PLAA: variants seen among roughly 807,000 people sequenced by gnomAD.
PLAA encodes the protein phospholipase A-2-activating protein.
A neutral mutation model predicts 84.1 loss-of-function variants in PLAA; 48 were observed. The ratio of observed to expected loss-of-function variants is 0.57; its 90% CI spans 0.45 to 0.73. The LOEUF is 0.73. Ranked by LOEUF, PLAA falls within the 30% of genes least tolerant of loss-of-function variation. The probability of loss-of-function intolerance (pLI) is 0.00; values close to 1 mark genes in which losing one functional copy is unlikely to be tolerated. For synonymous variants in PLAA, 392 were observed against 336.6 expected (o/e 1.16, Z -1.80); for missense variants, 903 against 954.7 (o/e 0.95, Z 0.71).
chr9:26,930,992 T>G (rs1019454605), intron 2 of PLAA, among the ~76,000 whole-genome samples: 2 of 151,790 alleles, frequency 1.3e-5, no homozygotes, highest in African/African-American at 4.8e-5. Context: ...AAAACAGGAC[T>G]TCTTGGCAAA....
At position 26,923,292 on chromosome 9, in the gene PLAA, C is replaced by T; in HGVS notation, c.925G>A (p.Glu309Lys). The T allele has an allele frequency of 3.1e-6, 5 of 1,613,812 alleles. No individual in the cohort carries two copies. Among genetic ancestry groups the T allele is most frequent in the Non-Finnish European group, 3.4e-6 (4 of 1,179,798 alleles). ...AGTTCTTTTTCAAAAGCCTTGATTTCTTCAGCACTTGCTGTTCGATCTTCT... is the reference window on the plus strand; with the variant it reads ...AGTTCTTTTTCAAAAGCCTTGATTTTTTCAGCACTTGCTGTTCGATCTTCT... ...ESEDRTASAE[E>K]IKAFEKELSH... Residue 309 changes from glutamate (E) to lysine (K), a missense_variant, in exon 7 of 14, where the codon GAA becomes AAA. Coordinates refer to ENST00000397292, the MANE Select transcript of PLAA (RefSeq NM_001031689.3).
At chr9:26,937,685 A>G (rs1825405166) in intron 1 of PLAA, among the ~76,000 whole-genome samples, 1 of 152,202 alleles carries the variant, frequency 6.6e-6, no homozygotes, top group Admixed American at 6.5e-5. Flanking sequence ...AAACTGAAGT[A>G]TCAGTAAAGA....
rs1457925424 is a variant in PLAA at position 26,903,508 on chromosome 9, A to G, written c.*2003T>C. Among the ~76,000 whole-genome samples the G allele has an allele frequency of 2.6e-5, 4 of 152,340 alleles. No homozygotes were observed. Among genetic ancestry groups the G allele is most frequent in the Middle Eastern group, 6.8e-3 (2 of 294 alleles). ...CATTTACATACATAGTCACTATGCC[A>G]CAAGATGTTAAGAATAGTTTTCTCT... On this transcript the variant is annotated 3_prime_UTR_variant, in exon 14 of 14. Coordinates refer to ENST00000397292, the MANE Select transcript of PLAA (RefSeq NM_001031689.3).
In PLAA at chr9:26,938,580, G is replaced by A. The variant is rs568793266; in HGVS notation, c.150-3374C>T. ...AAAAAAAAAAAAAAAAAAAAAAATG[G>A]TGAGGGAGTTTGCTGCCATGAGACC... On this transcript the variant is annotated intron_variant, in intron 1 of 13. Coordinates refer to ENST00000397292, the MANE Select transcript of PLAA (RefSeq NM_001031689.3). 5.4e-5 allele frequency among the ~76,000 whole-genome samples: 8 copies of A among 149,048 alleles called. No individual in the cohort carries two copies. In the South Asian group the frequency reaches 1.7e-3, roughly 31 times the overall value.
intron 2 of PLAA, 70 bp from the exon 3 acceptor site, chr9:26,928,478 G>A: frequency 9.3e-7 from 1 of 1,070,722 alleles, no homozygotes; most frequent in Non-Finnish European, 1.4e-6. Context: ...AGTTACTAAA[G>A]CATTCCAATT....
At chr9:26,942,675 G>A (rs866618767) in intron 1 of PLAA, among the ~76,000 whole-genome samples, 9 of 152,258 alleles carry the variant, frequency 5.9e-5, no homozygotes, top group Admixed American at 2.0e-4. Flanking sequence ...GAGGTCAGGA[G>A]ATCCAGACCA....
rs67138338 is a variant in PLAA, at chr9:26,934,475, CTTTT to C, written c.343+534_343+537del. On this transcript the variant is annotated intron_variant, in intron 2 of 13. Coordinates refer to ENST00000397292, the MANE Select transcript of PLAA (RefSeq NM_001031689.3). ...GCCTCTTTTATTACTGAACACTTTACTTTTTTTTTTTTTTTTTTTTTTTGAGACA... is the reference window on the plus strand; with the variant it reads ...GCCTCTTTTATTACTGAACACTTTACTTTTTTTTTTTTTTTTTTTGAGACA... Among the ~76,000 whole-genome samples, 4 of 93,328 alleles carry C rather than the reference CTTTT, an allele frequency of 4.3e-5. No homozygotes were observed. The East Asian group carries it at 1.3e-3, about 31-fold the overall frequency. The allele number at this position is 93,328 out of a possible 152,430, so 61.2% of individuals were successfully genotyped here. A position where few individuals can be genotyped will look rare whatever the true frequency, so the allele number is the denominator to read the frequency against.
chr9:26,933,893 C>T (rs1825273383), intron 2 of PLAA, among the ~76,000 whole-genome samples: 1 of 152,044 alleles, frequency 6.6e-6, no homozygotes, highest in South Asian at 2.1e-4. Context: ...ACTGCAGCCT[C>T]CAACTCCTGG....
chr9:26,918,151 G>A (rs78081640), intron 9 of PLAA, among the ~76,000 whole-genome samples: 5,474 of 151,616 alleles, frequency 0.036, 164 homozygotes, highest in South Asian at 0.098. Flanking sequence ...TTGCACTATC[G>A]CCCAGGTTGG....
At chr9:26,945,589 C>A (rs1825668602) in intron 1 of PLAA, among the ~76,000 whole-genome samples, 2 of 152,160 alleles carry the variant, frequency 1.3e-5, no homozygotes, top group African/African-American at 4.8e-5. Flanking sequence ...CTACACTTAT[C>A]CCTTCTCAAT....
intron 1 of PLAA, among the ~76,000 whole-genome samples, chr9:26,944,847 C>T (rs370872263): frequency 5.3e-5 from 8 of 152,170 alleles, no homozygotes; most frequent in Non-Finnish European, 8.8e-5. Context: ...ATCATGAGTT[C>T]GGCCAGGCGT....
intron 13 of PLAA, 123 bp from the exon 14 acceptor site, chr9:26,906,199 T>C (rs922291338): frequency 1.7e-6 from 1 of 575,712 alleles, no homozygotes; most frequent in East Asian, 3.1e-5. Context: ...TGAAAAATCA[T>C]GTGTCTGCTT....
At chr9:26,921,837 G>A (rs1272722305) in intron 7 of PLAA, among the ~76,000 whole-genome samples, 1 of 152,134 alleles carries the variant, frequency 6.6e-6, no homozygotes, top group Non-Finnish European at 1.5e-5. Context: ...ATTTGTTAAT[G>A]TTATTACCAC....
chr9:26,918,774 G>A (rs1824657917), intron 9 of PLAA, among the ~76,000 whole-genome samples: 1 of 152,064 alleles, frequency 6.6e-6, no homozygotes, highest in Non-Finnish European at 1.5e-5. Flanking sequence ...CACTTCCTAG[G>A]GGCCAGAATT....
At chr9:26,936,386 G>GCAGGCAGCAGGACAACCGAAGAACC (rs1825360270) in intron 1 of PLAA, among the ~76,000 whole-genome samples, 1 of 152,204 alleles carries the variant, frequency 6.6e-6, no homozygotes, top group Admixed American at 6.5e-5. Flanking sequence ...TTAAGAACTA[G>GCAGGCAGCAGGACAACCGAAGAACC]AGAATATTCT....
intron 10 of PLAA, chr9:26,915,637 T>C: frequency 1.1e-6 from 1 of 901,688 alleles, no homozygotes; most frequent in Non-Finnish European, 1.3e-6. Context: ...TGGTAGATGC[T>C]GTTATATATT....
intron 1 of PLAA, 72 bp from the exon 2 acceptor site, chr9:26,935,278 A>C: frequency 1.1e-6 from 1 of 949,068 alleles, no homozygotes; most frequent in Non-Finnish European, 1.5e-6. Context: ...CTGTCAAAGC[A>C]CTCATTTTCA....
At chr9:26,929,378 G>A (rs1176577320) in intron 2 of PLAA, among the ~76,000 whole-genome samples, 3 of 139,718 alleles carry the variant, frequency 2.1e-5, no homozygotes, top group African/African-American at 7.8e-5. Context: ...TGTCGTCCCA[G>A]TAAGAGAATT....
At position 26,920,483 on chromosome 9, in the gene PLAA, G is replaced by A. The variant is rs958337549; in HGVS notation, c.1040-99C>T. On this transcript the variant is annotated intron_variant, in intron 7 of 13. Coordinates refer to ENST00000397292, the MANE Select transcript of PLAA (RefSeq NM_001031689.3). ...TTAACATTAAAATTTACACATAAGA[G>A]AATATGGATTTTGTTTCAAAATAAA... 21 of 659,820 alleles carry A rather than the reference G, an allele frequency of 3.2e-5. No homozygotes were observed. The African/African-American group carries it at 3.6e-4, about 11-fold the overall frequency. 40.9% of individuals were successfully genotyped at this position (659,820 alleles called of 1,614,324 possible).
Sources: gnomAD v4.1 joint callset for allele counts (sites outside exome capture counted in the v4.1 genomes callset) on GRCh38, gnomAD v4.1.1 for gene constraint, MANE v1.5 for transcripts, NCBI Gene and HGNC (gene_info 2026-07-23, HGNC 2026-07-21) for gene names.